The following ACTN4 variants were observed in gnomAD, a reference collection of about 807,000 sequenced individuals.
The protein encoded by ACTN4 is alpha-actinin-4.
Under a neutral mutation model 114.2 loss-of-function variants are expected in ACTN4, and 18 were observed. The observed-to-expected ratio is 0.16, with a 90% CI of 0.11 to 0.23. ACTN4 has a LOEUF of 0.23. Among genes scored for constraint, ACTN4 ranks in the 10% least tolerant of loss-of-function variants. ACTN4 has a pLI of 1.00. For missense variants in ACTN4, 722 were observed against 1,262.9 expected (o/e 0.57, Z 6.49); for synonymous variants, 515 against 506.3 (o/e 1.02, Z -0.23).
At chr19:38,681,881 A>G (rs1490058403) in intron 1 of ACTN4, among the ~76,000 whole-genome samples, 1 of 152,118 alleles carries the variant, frequency 6.6e-6, no homozygotes. Context: ...GTCAGGCTGG[A>G]GTGCAGTAGC....
intron 1 of ACTN4, among the ~76,000 whole-genome samples, chr19:38,674,249 C>T (rs1967304248): frequency 6.6e-6 from 1 of 152,130 alleles, no homozygotes; most frequent in South Asian, 2.1e-4. Context: ...CTGTTCTAGG[C>T]AGGAGGACCC....
chr19:38,709,624 C>A, intron 7 of ACTN4, 148 bp downstream of exon 7: 1 of 746,660 alleles, frequency 1.3e-6, no homozygotes, highest in Non-Finnish European at 2.4e-6. Flanking sequence ...CTGAATGATT[C>A]TGGGTGAACT....
intron 8 of ACTN4, chr19:38,710,822 G>A: frequency 3.6e-6 from 1 of 275,566 alleles, no homozygotes. Flanking sequence ...CCCTGAGACA[G>A]GAAGAAGCTT....
At chr19:38,712,651 C>G (rs1345560215) in intron 8 of ACTN4, among the ~76,000 whole-genome samples, 1 of 151,994 alleles carries the variant, frequency 6.6e-6, no homozygotes, top group Non-Finnish European at 1.5e-5. Context: ...AGGGAGGACC[C>G]CTGACCCACA....
chr19:38,718,307 A>G (rs1968916882), intron 11 of ACTN4: 3 of 747,142 alleles, frequency 4.0e-6, no homozygotes. Context: ...CAGGAGGATC[A>G]CTTGAGCCCA....
At chr19:38,722,682 A>G (rs1969086997) in intron 12 of ACTN4, among the ~76,000 whole-genome samples, 1 of 152,218 alleles carries the variant, frequency 6.6e-6, no homozygotes, top group East Asian at 1.9e-4. Context: ...AAGGAGAGCA[A>G]GGTCACAGAT....
Position 38,701,060 on chromosome 19 carries a change from G to T in ACTN4, c.336G>T (p.Val112=). The part of the protein sequence containing the change: ...GKMRVHKINN[V]NKALDFIASK... Reference sequence around the variant, plus strand: ...TGAGAGTGCACAAAATCAACAATGTGAACAAAGCGCTGGACTTTATTGCCA... The same window carrying T: ...TGAGAGTGCACAAAATCAACAATGTTAACAAAGCGCTGGACTTTATTGCCA... The change falls in exon 3 of 21, where the codon GTG becomes GTT. Residue 112 remains valine, a synonymous_variant. Coordinates refer to ENST00000252699, the MANE Select transcript of ACTN4 (RefSeq NM_004924.6). The T allele has an allele frequency of 6.2e-7, 1 of 1,614,130 alleles. No homozygotes were observed. Among genetic ancestry groups the T allele is most frequent in the South Asian group, 1.1e-5 (1 of 91,082 alleles).
Position 38,656,729 on chromosome 19 carries a change from T to G in ACTN4, c.162+8822T>G, listed in dbSNP as rs78050531. 5.7e-4 allele frequency among the ~76,000 whole-genome samples: 87 copies of G among 152,356 alleles called. 1 individual carries two copies. The East Asian group carries it at 8.3e-3, about 15-fold the overall frequency. On this transcript the variant is annotated intron_variant, in intron 1 of 20. Transcript: ENST00000252699. ...TACAATAGCATTTGTGTCTTCAGCT[T>G]CAGGCAGGAATAAAGAAGACTTTGT... is the stretch of plus-strand genomic sequence containing the variant.
chr19:38,724,682 A>C lies in ACTN4; in HGVS notation c.2010+117A>C. 6.5e-7 allele frequency: 1 copy of C among 1,529,090 alleles called. No individual in the cohort carries two copies. Among genetic ancestry groups the C allele is most frequent in the Non-Finnish European group, 8.9e-7 (1 of 1,120,824 alleles). The allele number at this position is 1,529,090 out of a possible 1,614,324, so 94.7% of individuals were successfully genotyped here. A position where few individuals can be genotyped will look rare whatever the true frequency, so the allele number is the denominator to read the frequency against. On this transcript the variant is annotated intron_variant, in intron 16 of 20. Transcript: ENST00000252699. The surrounding 1 kb of genome is among the most constrained non-coding windows in gnomAD (Gnocchi z 7.0). Reference sequence around the variant, plus strand: ...GAGGCGCCTGGCAGAGCAGGTCCCAATTCTCACCACCCAGGGGCCGTGATC... The same window carrying C: ...GAGGCGCCTGGCAGAGCAGGTCCCACTTCTCACCACCCAGGGGCCGTGATC...
chr19:38,661,084 C>T (rs1029910398), intron 1 of ACTN4, among the ~76,000 whole-genome samples: 1 of 152,126 alleles, frequency 6.6e-6, no homozygotes, highest in African/African-American at 2.4e-5. Context: ...GAGCGGAGCC[C>T]GTGGAAGAGA....
intron 7 of ACTN4, 22 bp downstream of exon 7, chr19:38,709,498 G>C (rs1365968766): frequency 2.4e-5 from 38 of 1,603,052 alleles, no homozygotes; most frequent in Non-Finnish European, 3.2e-5. Flanking sequence ...CTTCTGTTCA[G>C]CCACCACTGT....
chr19:38,712,391 CTGT>C (rs939625693), intron 8 of ACTN4, among the ~76,000 whole-genome samples: 5 of 152,198 alleles, frequency 3.3e-5, no homozygotes. Flanking sequence ...GCTTCCCCAC[CTGT>C]GAAATGGGCA....
chr19:38,690,262 C>T (rs1967880626), intron 1 of ACTN4, among the ~76,000 whole-genome samples: 1 of 152,260 alleles, frequency 6.6e-6, no homozygotes, highest in South Asian at 2.1e-4. Context: ...AGCTTTCGCT[C>T]ACCATCCTTC....
intron 8 of ACTN4, among the ~76,000 whole-genome samples, chr19:38,713,532 G>A (rs1268167627): frequency 6.6e-6 from 1 of 152,176 alleles, no homozygotes; most frequent in East Asian, 1.9e-4. Context: ...TGTGTGTCCC[G>A]CAGCATGGCG....
intron 1 of ACTN4, among the ~76,000 whole-genome samples, chr19:38,654,536 T>C (rs1976657522): frequency 1.4e-5 from 2 of 143,022 alleles, no homozygotes; most frequent in African/African-American, 2.6e-5. Context: ...CACTCCAGCC[T>C]GGACGACAGA....
chr19:38,727,461 G>A lies in ACTN4; in HGVS notation c.2337+358G>A, dbSNP rs1024563728. The stretch of plus-strand genomic sequence containing the variant: ...TGCTTTTAGAATTCAGATTTGGTCC[G>A]GCAGCCTCATCAGAGGGGCCCTGAG... On this transcript the variant is annotated intron_variant, in intron 18 of 20. Coordinates refer to ENST00000252699, the MANE Select transcript of ACTN4 (RefSeq NM_004924.6). This position sits in a 1 kb window ranked among gnomAD's most constrained non-coding sequence, Gnocchi z 5.4. Among the ~76,000 whole-genome samples the A allele has an allele frequency of 2.6e-5, 4 of 152,114 alleles. No homozygotes were observed. The highest frequency in any genetic ancestry group is 7.2e-5 in the African/African-American group (3 of 41,410).
chr19:38,673,695 A>T (rs1296525895), intron 1 of ACTN4, among the ~76,000 whole-genome samples: 2 of 62,984 alleles, frequency 3.2e-5, no homozygotes, highest in African/African-American at 1.1e-4. Context: ...TATATATTAT[A>T]TATATTTATA....
At chr19:38,714,010 T>C (rs1414687318) in intron 8 of ACTN4, among the ~76,000 whole-genome samples, 1 of 152,218 alleles carries the variant, frequency 6.6e-6, no homozygotes, top group Non-Finnish European at 1.5e-5. Context: ...TGGACAGGCC[T>C]GAGTGTGCTC....
chr19:38,673,627 TCATATA>T (rs1285650952), intron 1 of ACTN4, among the ~76,000 whole-genome samples: 1 of 56,636 alleles, frequency 1.8e-5, no homozygotes, highest in African/African-American at 5.6e-5. Flanking sequence ...TTATATATAT[TCATATA>T]TATTTATATA....
Sources: allele counts gnomAD v4.1 joint callset (sites outside exome capture counted in the v4.1 genomes callset), GRCh38; gene constraint gnomAD v4.1.1; non-coding constraint Gnocchi (gnomAD v3.1); transcripts MANE v1.5; gene names NCBI Gene and HGNC (gene_info 2026-07-23, HGNC 2026-07-21).